The following SPMIP11 variants were observed in gnomAD, a reference collection of about 807,000 sequenced individuals.
SPMIP11 encodes long intergenic non-protein coding RNA 935.
the SPMIP11 span, chr12:48,764,955 C>T: frequency 4.0e-5 from 28 of 702,764 alleles, no homozygotes; most frequent in South Asian, 2.7e-4. Context: ...GCCATGGATC[C>T]GGAGCCCACG....
At chr12:48,750,705 C>T in the SPMIP11 span, among the ~76,000 whole-genome samples, 1 of 152,210 alleles carries the variant, frequency 6.6e-6, no homozygotes, top group Non-Finnish European at 1.5e-5. Flanking sequence ...CCTGGTCTTT[C>T]TCATCCCAAA....
chr12:48,759,070 G>C, the SPMIP11 span: 1 of 602,054 alleles, frequency 1.7e-6, no homozygotes. Context: ...ATGGTGATTG[G>C]ATTCCTGAGG....
At chr12:48,770,415 C>A in the SPMIP11 span, among the ~76,000 whole-genome samples, 1 of 152,174 alleles carries the variant, frequency 6.6e-6, no homozygotes, top group Non-Finnish European at 1.5e-5. Flanking sequence ...TCTTATTGGA[C>A]TGGTCACAGA....
the SPMIP11 span, among the ~76,000 whole-genome samples, chr12:48,740,297 A>G: frequency 1.3e-5 from 2 of 152,076 alleles, no homozygotes; most frequent in African/African-American, 4.8e-5. Flanking sequence ...CTCTACTATA[A>G]TATCTATTTT....
At chr12:48,729,361 C>T in the SPMIP11 span, among the ~76,000 whole-genome samples, 45 of 152,196 alleles carry the variant, frequency 3.0e-4, 1 homozygote, top group Middle Eastern at 0.021. Flanking sequence ...TAGTGAAACC[C>T]CGTCTCTACT....
the SPMIP11 span, among the ~76,000 whole-genome samples, chr12:48,759,647 G>A: frequency 3.0e-4 from 45 of 150,206 alleles, 1 homozygote; most frequent in African/African-American, 1.1e-3. Flanking sequence ...TCCAGCTTGG[G>A]CAACAGAGTG....
At chr12:48,753,627 G>T in the SPMIP11 span, among the ~76,000 whole-genome samples, 5 of 151,520 alleles carry the variant, frequency 3.3e-5, no homozygotes, top group South Asian at 1.0e-3. Context: ...GAGACAGCTG[G>T]AGATCCCATT....
At chr12:48,750,671 C>A in the SPMIP11 span, among the ~76,000 whole-genome samples, 2 of 152,202 alleles carry the variant, frequency 1.3e-5, no homozygotes, top group Non-Finnish European at 2.9e-5. Context: ...CGTCTCCTAG[C>A]AAGTCCACAT....
chr12:48,763,321 GCA>G, the SPMIP11 span, among the ~76,000 whole-genome samples: 1 of 152,062 alleles, frequency 6.6e-6, no homozygotes. Flanking sequence ...CTACAGGCGT[GCA>G]CCATCACACT....
At chr12:48,729,394 C>T in the SPMIP11 span, among the ~76,000 whole-genome samples, 1 of 151,912 alleles carries the variant, frequency 6.6e-6, no homozygotes, top group African/African-American at 2.4e-5. Context: ...AATAGCCGGG[C>T]GTGGTGGTGT....
chr12:48,759,550 G>A, the SPMIP11 span, among the ~76,000 whole-genome samples: 1 of 152,066 alleles, frequency 6.6e-6, no homozygotes, highest in Non-Finnish European at 1.5e-5. Flanking sequence ...AGCCGGGCAT[G>A]GTGGTGCATG....
At chr12:48,729,265 G>A in the SPMIP11 span, among the ~76,000 whole-genome samples, 1 of 152,096 alleles carries the variant, frequency 6.6e-6, no homozygotes, top group Non-Finnish European at 1.5e-5. Context: ...GCCGGGCGCG[G>A]TGGCTCACGC....
chr12:48,734,319 C>T, the SPMIP11 span, among the ~76,000 whole-genome samples: 1 of 152,094 alleles, frequency 6.6e-6, no homozygotes, highest in Non-Finnish European at 1.5e-5. Context: ...CTATGTTGCC[C>T]AGGCTGGTTA....
At chr12:48,749,017 T>G in the SPMIP11 span, among the ~76,000 whole-genome samples, 1 of 152,178 alleles carries the variant, frequency 6.6e-6, no homozygotes, top group Admixed American at 6.5e-5. Context: ...ATCCCAGCAC[T>G]TTGGGAGGCC....
the SPMIP11 span, among the ~76,000 whole-genome samples, chr12:48,756,134 C>G: frequency 0.25 from 37,973 of 151,698 alleles, 5,712 homozygotes; most frequent in East Asian, 0.73. Context: ...CCGCCTGCCT[C>G]GGCCTCCCAA....
At chr12:48,744,644 G>A in the SPMIP11 span, among the ~76,000 whole-genome samples, 22 of 152,074 alleles carry the variant, frequency 1.4e-4, no homozygotes, top group Non-Finnish European at 2.4e-4. Context: ...GCTTGAACCC[G>A]GGAGGCGGAG....
At chr12:48,758,468 G>A in the SPMIP11 span, among the ~76,000 whole-genome samples, 5 of 152,204 alleles carry the variant, frequency 3.3e-5, no homozygotes, top group African/African-American at 1.2e-4. Context: ...AACCTTCTTT[G>A]ATTCAAAATC....
At chr12:48,754,095 T>C in the SPMIP11 span, among the ~76,000 whole-genome samples, 30 of 152,228 alleles carry the variant, frequency 2.0e-4, no homozygotes, top group Admixed American at 1.2e-3. Flanking sequence ...ATAAACCTTC[T>C]GAAGTTAGAG....
chr12:48,741,576 A>G, the SPMIP11 span, among the ~76,000 whole-genome samples: 3 of 151,930 alleles, frequency 2.0e-5, no homozygotes, highest in South Asian at 6.2e-4. Context: ...GGTTTTCTTC[A>G]CTGTCAAGTT....
Sources: gnomAD v4.1 joint callset for allele counts (sites outside exome capture counted in the v4.1 genomes callset) on GRCh38, gnomAD v4.1.1 for gene constraint, MANE v1.5 for transcripts, NCBI Gene and HGNC (gene_info 2026-07-23, HGNC 2026-07-21) for gene names.